The following NKAIN3 variants were observed in gnomAD, a reference collection of about 807,000 sequenced individuals.
The protein encoded by NKAIN3 is sodium/potassium-transporting ATPase subunit beta-1-interacting protein 3.
A neutral mutation model predicts 30.2 loss-of-function variants in NKAIN3; 25 were observed. The observed-to-expected ratio is 0.83, with a 90% CI of 0.60 to 1.16. The LOEUF is 1.16. Ranked by LOEUF, NKAIN3 falls within the 50% of genes most tolerant of loss-of-function variation. The pLI is 0.00. For missense variants in NKAIN3, 225 were observed against 254.1 expected, an observed-to-expected ratio of 0.89 and a Z score of 0.78; for synonymous variants, 91 against 89.6, an observed-to-expected ratio of 1.02 and a Z score of -0.09.
intron 1 of NKAIN3, among the ~76,000 whole-genome samples, chr8:62,386,082 C>T (rs562127567): frequency 2.6e-5 from 4 of 152,292 alleles, no homozygotes; most frequent in African/African-American, 9.6e-5. Context: ...TGAGACTTCT[C>T]CTCTCTTGCT....
At chr8:62,281,175 G>A (rs1182975675) in intron 1 of NKAIN3, among the ~76,000 whole-genome samples, 2 of 152,180 alleles carry the variant, frequency 1.3e-5, no homozygotes, top group Middle Eastern at 6.8e-3. Context: ...GGTGTTTATA[G>A]TATTCTCTGA....
chr8:62,304,400 A>T (rs1278824866), intron 1 of NKAIN3, among the ~76,000 whole-genome samples: 3 of 150,524 alleles, frequency 2.0e-5, no homozygotes, highest in Non-Finnish European at 4.4e-5. Flanking sequence ...CAAAGTAGTC[A>T]TCTACATGCT....
At chr8:62,788,484 T>G (rs1349876431) in intron 4 of NKAIN3, among the ~76,000 whole-genome samples, 1 of 152,210 alleles carries the variant, frequency 6.6e-6, no homozygotes, top group Non-Finnish European at 1.5e-5. Flanking sequence ...TTCTGTAGGT[T>G]GCCTGTTCAC....
intron 4 of NKAIN3, chr8:62,856,526 C>T (rs1820064163): frequency 1.3e-6 from 1 of 781,732 alleles, no homozygotes; most frequent in Non-Finnish European, 2.3e-6. Context: ...AGATCACCAG[C>T]TTTGGTCCTG....
chr8:62,307,267 CAAAAAAA>C (rs10598782), intron 1 of NKAIN3, among the ~76,000 whole-genome samples: 1 of 107,928 alleles, frequency 9.3e-6, no homozygotes, highest in African/African-American at 3.5e-5. Flanking sequence ...TCTCTTCTAG[CAAAAAAA>C]AAAAAAAAAA....
chr8:62,697,726 G>A (rs560032104), intron 3 of NKAIN3, among the ~76,000 whole-genome samples: 2 of 152,232 alleles, frequency 1.3e-5, no homozygotes, highest in South Asian at 2.1e-4. Context: ...TTCTTCATAT[G>A]TTTTGTACAA....
intron 4 of NKAIN3, among the ~76,000 whole-genome samples, chr8:62,750,706 T>A (rs1438087697): frequency 6.6e-6 from 1 of 151,668 alleles, no homozygotes; most frequent in Non-Finnish European, 1.5e-5. Flanking sequence ...TGAAGAAGAG[T>A]TCCTGCAAAT....
chr8:62,596,767 G>A (rs1447257151), intron 3 of NKAIN3, among the ~76,000 whole-genome samples: 1 of 152,024 alleles, frequency 6.6e-6, no homozygotes, highest in Admixed American at 6.6e-5. Context: ...GTCTGGATCA[G>A]TCAAGGGAAC....
intron 1 of NKAIN3, among the ~76,000 whole-genome samples, chr8:62,469,073 G>A (rs1806246952): frequency 6.6e-6 from 1 of 152,096 alleles, no homozygotes; most frequent in African/African-American, 2.4e-5. Flanking sequence ...TGGACTGTAA[G>A]TCTTTATTAT....
chr8:62,806,203 G>A (rs971989217), intron 4 of NKAIN3, among the ~76,000 whole-genome samples: 1 of 152,208 alleles, frequency 6.6e-6, no homozygotes, highest in Admixed American at 6.5e-5. Flanking sequence ...TACACTGTTG[G>A]TGGGACTGTA....
At chr8:62,940,638 T>C (rs867337328) in intron 5 of NKAIN3, among the ~76,000 whole-genome samples, 22 of 151,998 alleles carry the variant, frequency 1.4e-4, no homozygotes, top group Non-Finnish European at 3.1e-4. Flanking sequence ...TGCAAATATA[T>C]AGAAATTAAA....
chr8:62,688,920 T>C (rs1231646592), intron 3 of NKAIN3, among the ~76,000 whole-genome samples: 3 of 152,206 alleles, frequency 2.0e-5, no homozygotes, highest in East Asian at 1.9e-4. Context: ...TCCTTTTTTA[T>C]GTTAACTTTA....
chr8:62,487,925 G>A (rs547839292), intron 1 of NKAIN3, among the ~76,000 whole-genome samples: 1 of 152,300 alleles, frequency 6.6e-6, no homozygotes, highest in South Asian at 2.1e-4. Context: ...GAGTCTGGAT[G>A]TTATCAATAA....
intron 5 of NKAIN3, among the ~76,000 whole-genome samples, chr8:62,952,175 T>A (rs1420317947): frequency 6.6e-6 from 1 of 152,134 alleles, no homozygotes; most frequent in African/African-American, 2.4e-5. Flanking sequence ...ATAATCTAAT[T>A]AAGTAGTAAA....
intron 1 of NKAIN3, among the ~76,000 whole-genome samples, chr8:62,572,806 C>T (rs1451050099): frequency 1.3e-5 from 2 of 152,110 alleles, no homozygotes; most frequent in Non-Finnish European, 2.9e-5. Context: ...CAATCATCTC[C>T]CACTAGGTTC....
intron 4 of NKAIN3, among the ~76,000 whole-genome samples, chr8:62,888,112 G>A (rs1821199638): frequency 1.3e-5 from 2 of 152,134 alleles, no homozygotes. Flanking sequence ...ATAAGTCTTA[G>A]TTTTTTGCTC....
chr8:62,762,341 A>G (rs1816694485), intron 4 of NKAIN3, among the ~76,000 whole-genome samples: 5 of 152,044 alleles, frequency 3.3e-5, no homozygotes, highest in Admixed American at 3.3e-4. Flanking sequence ...AAAAACAAAA[A>G]GAAACATGGC....
chr8:62,577,477 G>T (rs200529694), intron 1 of NKAIN3, among the ~76,000 whole-genome samples: 78 of 108,580 alleles, frequency 7.2e-4, no homozygotes, highest in Admixed American at 2.3e-3. Context: ...TTTTTTTTTT[G>T]GTTTTTTTTT....
intron 4 of NKAIN3, among the ~76,000 whole-genome samples, chr8:62,814,998 A>G (rs1284743807): frequency 6.6e-6 from 1 of 152,164 alleles, no homozygotes. Context: ...ACTAATAGAG[A>G]AGAATCAAAT....
Sources: allele counts gnomAD v4.1 joint callset (sites outside exome capture counted in the v4.1 genomes callset), GRCh38; gene constraint gnomAD v4.1.1; transcripts MANE v1.5; gene names NCBI Gene and HGNC (gene_info 2026-07-23, HGNC 2026-07-21).